Variants in TPCN2 observed in about 807,000 individuals in gnomAD.
The protein encoded by TPCN2 is two pore segment channel 2, also known as two pore channel protein 2.
Under a neutral mutation model 111.4 loss-of-function variants are expected in TPCN2, and 92 were observed. That is an observed-to-expected ratio of 0.83 (90% CI 0.70 to 0.98). The LOEUF is 0.98. Among genes scored for constraint, TPCN2 ranks in the 50% least tolerant of loss-of-function variants. TPCN2 has a pLI of 0.00. For synonymous variants in TPCN2, 405 were observed against 414.5 expected (o/e 0.98, Z 0.28); for missense variants, 995 against 980.1 (o/e 1.02, Z -0.20).
In TPCN2 at chr11:69,087,132, C is replaced by A. The variant is rs762423927; in HGVS notation, c.2106C>A (p.Asp702Glu). The A allele has an allele frequency of 6.2e-7, 1 of 1,613,824 alleles. No individual in the cohort carries two copies. The highest frequency in any genetic ancestry group is 2.2e-5 in the East Asian group (1 of 44,868). ...LILENFLHKW[D>E]PRSHLQPLAG... is the part of the protein sequence containing the mutation. ...GCCAGAACTTCCTTCACAAGTGGGA[C>A]CCCCGCAGCCACCTGCAGCCCCTTG... The change falls in exon 24 of 25, where the codon GAC becomes GAA. Residue 702 changes from aspartate to glutamate, a missense_variant. Physicochemically the swap from Asp to Glu is conservative, Grantham distance 45. Coordinates refer to ENST00000294309, the MANE Select transcript of TPCN2 (RefSeq NM_139075.4).
chr11:69,050,474 T>C (rs1032651513), intron 1 of TPCN2, among the ~76,000 whole-genome samples: 2 of 152,178 alleles, frequency 1.3e-5, no homozygotes, highest in African/African-American at 4.8e-5. Flanking sequence ...CTCTGCTGGG[T>C]TGAAGCGATT....
rs561500637 is a variant in TPCN2, at chr11:69,060,749, A to G, written c.547-2135A>G. Among the ~76,000 whole-genome samples the G allele has an allele frequency of 6.6e-5, 10 of 152,294 alleles. No homozygotes were observed. In the East Asian group the frequency reaches 9.6e-4, roughly 15 times the overall value. ...CAGGTGAGGGTGCAAGTTCCTGGGCAGGGGAGGGGACCCAGCAGCATCTTC... is the reference window on the plus strand; with the variant it reads ...CAGGTGAGGGTGCAAGTTCCTGGGCGGGGGAGGGGACCCAGCAGCATCTTC... On this transcript the variant is annotated intron_variant, in intron 5 of 24. Transcript: ENST00000294309.
At chr11:69,070,229 T>C (rs1218975618) in intron 8 of TPCN2, among the ~76,000 whole-genome samples, 2 of 152,096 alleles carry the variant, frequency 1.3e-5, no homozygotes, top group African/African-American at 2.4e-5. Flanking sequence ...TTTACTATGT[T>C]GGCCAGGCTG....
chr11:69,054,591 C>T, intron 2 of TPCN2, 130 bp from the exon 3 acceptor site: 5 of 845,312 alleles, frequency 5.9e-6, no homozygotes, highest in Non-Finnish European at 9.6e-6. Context: ...CTGGCCATGT[C>T]CACACGCTGA....
rs763154319 is a variant in TPCN2 at position 69,078,773 on chromosome 11, C to T, written c.1390C>T (p.Arg464Cys). ...VLDADVLPAE[R>C]DDFILGILNC... ...GGATGCAGATGTGCTGCCTGCTGAG[C>T]GTGATGACTTCATCCTGGGGGTAAG... is the stretch of plus-strand genomic sequence containing the variant. Residue 464 changes from arginine to cysteine, a missense_variant, in exon 15 of 25, where the codon CGT (arginine) becomes TGT (cysteine). Arg to Cys is a radical substitution (Grantham distance 180, BLOSUM62 -3). Transcript: ENST00000294309. 7 of 1,614,016 alleles carry T rather than the reference C, an allele frequency of 4.3e-6. No individual in the cohort carries two copies. The highest frequency in any genetic ancestry group is 1.7e-5 in the Admixed American group (1 of 60,030).
chr11:69,085,676 C>T lies in TPCN2; in HGVS notation c.1844C>T (p.Ala615Val). The change falls in exon 21 of 25, where the codon GCC (alanine) becomes GTC (valine). Residue 615 changes from alanine (A) to valine (V), a missense_variant. Ala to Val is a moderately conservative substitution (Grantham distance 64, BLOSUM62 0). Transcript: ENST00000294309. The part of the protein sequence containing the change: ...IVALPGNSSL[A>V]PANGSAPCGS... ...AGGTGTGTTGTGTTCCCCAGCCTGG[C>T]CCCTGCCAATGGCTCGGCGCCCTGT... The T allele has an allele frequency of 6.2e-7, 1 of 1,611,118 alleles. No individual in the cohort carries two copies. Among genetic ancestry groups the T allele is most frequent in the South Asian group, 1.1e-5 (1 of 91,002 alleles).
chr11:69,085,966 G>T (rs374436050), intron 22 of TPCN2, 36 bp downstream of exon 22: 451 of 1,592,656 alleles, frequency 2.8e-4, no homozygotes, highest in Non-Finnish European at 3.6e-4. Flanking sequence ...GTGATTCTCC[G>T]TGCAGCCTGG....
chr11:69,059,629 C>T (rs761246179), intron 5 of TPCN2, among the ~76,000 whole-genome samples: 8 of 152,244 alleles, frequency 5.3e-5, no homozygotes, highest in South Asian at 2.1e-4. Flanking sequence ...TGTGGGCCCG[C>T]GCCGGGGCTG....
chr11:69,084,975 C>T (rs1856209473), intron 19 of TPCN2: 2 of 311,284 alleles, frequency 6.4e-6, no homozygotes, highest in South Asian at 2.6e-4. Flanking sequence ...GGCCCTAATT[C>T]CCTTAGGAGC....
At chr11:69,070,632 C>T in intron 9 of TPCN2, 137 bp downstream of exon 9, 1 of 654,112 alleles carries the variant, frequency 1.5e-6, no homozygotes, top group Non-Finnish European at 2.5e-6. Context: ...GATCCCCTGC[C>T]AACAGCTTTT....
In TPCN2 at chr11:69,088,090, GA is replaced by G; in HGVS notation, c.*138del. On this transcript the variant is annotated 3_prime_UTR_variant, in exon 25 of 25. Transcript: ENST00000294309. ...TCCTCTGACGGACCACTAAGCTGGG[GA>G]CAGGAACCAAGTCCTTTGCGTGTGG... is the stretch of plus-strand genomic sequence containing the variant. The G allele has an allele frequency of 1.4e-6, 1 of 711,312 alleles. No individual in the cohort carries two copies. The highest frequency in any genetic ancestry group is 2.3e-6 in the Non-Finnish European group (1 of 436,974). 44.1% of individuals were successfully genotyped at this position (711,312 alleles called of 1,614,324 possible). A position where few individuals can be genotyped will look rare whatever the true frequency, so the allele number is the denominator to read the frequency against.
chr11:69,075,387 T>C (rs1855709607), intron 13 of TPCN2, among the ~76,000 whole-genome samples: 1 of 152,200 alleles, frequency 6.6e-6, no homozygotes, highest in African/African-American at 2.4e-5. Context: ...TCCGTATACT[T>C]TAAGTCATTT....
At chr11:69,085,166 A>G (rs1412601482) in intron 19 of TPCN2, 44 bp from the exon 20 acceptor site, 4 of 1,573,896 alleles carry the variant, frequency 2.5e-6, no homozygotes, top group Non-Finnish European at 3.5e-6. Flanking sequence ...TGGTGGGTGC[A>G]CCCATGGGTG....
At chr11:69,079,751 A>T (rs551506877) in intron 16 of TPCN2, 83 bp from the exon 17 acceptor site, 1 of 1,312,926 alleles carries the variant, frequency 7.6e-7, no homozygotes, top group South Asian at 1.3e-5. Flanking sequence ...AATGTGTTAG[A>T]GATGAGCTTT....
intron 6 of TPCN2, 138 bp downstream of exon 6, chr11:69,063,128 G>T: frequency 1.3e-6 from 1 of 746,268 alleles, no homozygotes; most frequent in Non-Finnish European, 2.2e-6. Context: ...GTGACGGTGT[G>T]GGGAGGCTGC....
rs1232892753 is a variant in TPCN2, at chr11:69,054,746, A to G, written c.200A>G (p.Asp67Gly). Residue 67 changes from aspartate (D) to glycine (G), a missense_variant, in exon 3 of 25, where the codon GAT becomes GGT. Physicochemically the swap from Asp to Gly is moderately conservative, Grantham distance 94. Coordinates refer to ENST00000294309, the MANE Select transcript of TPCN2 (RefSeq NM_139075.4). ...TACCGCTCCATCAACCACCGGGTGG[A>G]TGCCAGCTCGATGTGGCTTTACCGA... Reference protein sequence around the residue: ...IQYRSINHRVDASSMWLYRRY... With the variant: ...IQYRSINHRVGASSMWLYRRY... The G allele has an allele frequency of 6.2e-7, 1 of 1,614,156 alleles. No individual in the cohort carries two copies. The highest frequency in any genetic ancestry group is 2.2e-5 in the East Asian group (1 of 44,880).
intron 5 of TPCN2, among the ~76,000 whole-genome samples, chr11:69,059,671 A>C (rs1854932655): frequency 6.6e-6 from 1 of 152,226 alleles, no homozygotes; most frequent in Non-Finnish European, 1.5e-5. Context: ...CAGCATTTGC[A>C]GGGCTGTGAG....
In TPCN2 at chr11:69,054,796, C is replaced by T. The variant is rs78455795; in HGVS notation, c.250C>T (p.Arg84Trp). 7.9e-4 allele frequency: 1,282 copies of T among 1,613,920 alleles called. 14 individuals are homozygous for T. The East Asian group carries it at 0.024, about 30-fold the overall frequency. ...ACGGTATTACTCGAACGTATGCCAA[C>T]GGTGAGAACGCACCCATGTGGAACT... is the stretch of plus-strand genomic sequence containing the variant. ...YRRYYSNVCQRTLSFTIFLIL... is the reference protein window; with the variant it reads ...YRRYYSNVCQWTLSFTIFLIL... The change falls in exon 3 of 25, where the codon CGG becomes TGG. Residue 84 changes from arginine (R) to tryptophan (W), a missense_variant and splice_region_variant. Coordinates refer to ENST00000294309, the MANE Select transcript of TPCN2 (RefSeq NM_139075.4).
At position 69,089,415 on chromosome 11, in the gene TPCN2, C is replaced by T. The variant is rs943348800; in HGVS notation, c.*1462C>T. On this transcript the variant is annotated 3_prime_UTR_variant, in exon 25 of 25. Coordinates refer to ENST00000294309, the MANE Select transcript of TPCN2 (RefSeq NM_139075.4). ...ACCCGCATTCATGTCAGGAGTGAGT[C>T]GCACGTGGCTTTGTGGTCATGGCGA... The T allele has an allele frequency of 1.3e-5, 2 of 152,240 alleles. No homozygotes were observed. Among genetic ancestry groups the T allele is most frequent in the East Asian group, 1.9e-4 (1 of 5,202 alleles). 9.4% of individuals were successfully genotyped at this position (152,240 alleles called of 1,614,324 possible).
Sources: allele counts gnomAD v4.1 joint callset (sites outside exome capture counted in the v4.1 genomes callset), GRCh38; gene constraint gnomAD v4.1.1; transcripts MANE v1.5; gene names NCBI Gene and HGNC (gene_info 2026-07-23, HGNC 2026-07-21).